AGR2: variants seen among roughly 807,000 people sequenced by gnomAD.
AGR2 encodes the protein anterior gradient protein 2 homolog.
In AGR2, 27 loss-of-function variants were observed where a neutral mutation model predicts 25.9. That is an observed-to-expected ratio of 1.04 (90% CI 0.77 to 1.44). The LOEUF (loss-of-function observed/expected upper bound fraction) is 1.44, where lower values mean the gene tolerates loss of function less well. Ranked by LOEUF, AGR2 falls within the 40% of genes most tolerant of loss-of-function variation. The pLI is 0.00. For synonymous variants in AGR2, 78 were observed against 72.0 expected (o/e 1.08, Z -0.42); for missense variants, 182 against 200.9 (o/e 0.91, Z 0.57).
intron 7 of AGR2, 31 bp downstream of exon 7, chr7:16,794,905 G>T (rs1393451709): frequency 6.2e-7 from 1 of 1,613,898 alleles, no homozygotes; most frequent in Middle Eastern, 1.6e-4. Context: ...TTCAACTCTT[G>T]GGCAACATCC....
chr7:16,802,667 A>T (rs1420868469), intron 1 of AGR2, among the ~76,000 whole-genome samples: 1 of 152,196 alleles, frequency 6.6e-6, no homozygotes, highest in African/African-American at 2.4e-5. Flanking sequence ...GACTGTTTGT[A>T]TATAGTATGG....
intron 6 of AGR2, among the ~76,000 whole-genome samples, chr7:16,795,318 GTT>G (rs76582218): frequency 7.2e-5 from 10 of 139,130 alleles, no homozygotes; most frequent in East Asian, 2.0e-4. Flanking sequence ...GTGACATGGT[GTT>G]TTTTTTTTTT....
At chr7:16,795,165 A>G in intron 6 of AGR2, 146 bp from the exon 7 acceptor site, 2 of 848,240 alleles carry the variant, frequency 2.4e-6, no homozygotes, top group Non-Finnish European at 3.8e-6. Flanking sequence ...TGATCCATCC[A>G]CTCTACTACC....
At position 16,797,656 on chromosome 7, in the gene AGR2, C is replaced by A. The variant is rs770354819; in HGVS notation, c.369G>T (p.Gln123His). ...CAACAAACATAATCCTGGGGACATA[C>A]TGGCCATCAGGAGAAAGGTGTTTGT... is the stretch of plus-strand genomic sequence containing the variant. ...TTDKHLSPDGQYVPRIMFVDP... is the reference protein window; with the variant it reads ...TTDKHLSPDGHYVPRIMFVDP... The change falls in exon 6 of 8, where the codon CAG becomes CAT. Residue 123 changes from glutamine to histidine, a missense_variant. Transcript: ENST00000419304. 3 of 1,613,884 alleles carry A rather than the reference C, an allele frequency of 1.9e-6. No individual in the cohort carries two copies. Among genetic ancestry groups the A allele is most frequent in the Non-Finnish European group, 2.5e-6 (3 of 1,179,956 alleles).
In AGR2 at chr7:16,803,904, TTTA is replaced by T. The variant is rs546686460; in HGVS notation, c.-8+1028_-8+1030del. 3.3e-3 allele frequency among the ~76,000 whole-genome samples: 504 copies of T among 152,324 alleles called. 1 individual carries two copies. The highest frequency in any genetic ancestry group is 0.011 in the African/African-American group (465 of 41,568). On this transcript the variant is annotated intron_variant, in intron 1 of 7. Coordinates refer to ENST00000419304, the MANE Select transcript of AGR2 (RefSeq NM_006408.4). ...TATCAACAAACATTTGATTTTATCT[TTTA>T]TTTATAACAGCATCTATATATATTC...
At chr7:16,794,855 C>T (rs868230983) in intron 7 of AGR2, 81 bp downstream of exon 7, 2 of 1,600,736 alleles carry the variant, frequency 1.2e-6, no homozygotes. Flanking sequence ...TCTCACCTCA[C>T]CATGCAGCCT....
intron 6 of AGR2, among the ~76,000 whole-genome samples, chr7:16,797,354 A>C (rs1350249939): frequency 6.6e-6 from 1 of 152,272 alleles, no homozygotes; most frequent in African/African-American, 2.4e-5. Flanking sequence ...AATATGTTTA[A>C]ATAGTGAATA....
At chr7:16,803,683 A>T (rs1785185407) in intron 1 of AGR2, among the ~76,000 whole-genome samples, 1 of 152,232 alleles carries the variant, frequency 6.6e-6, no homozygotes, top group Non-Finnish European at 1.5e-5. Flanking sequence ...AAAGATGTGG[A>T]AATGCCAATA....
rs986046525 is a variant in AGR2 at position 16,793,052 on chromosome 7, G to T, written c.479-95C>A. ...TTGGATGCTCAATTCATTATTTAAT[G>T]GGATGCTTTTTTTTTTGAGACAAGG... On this transcript the variant is annotated intron_variant, in intron 7 of 7. Transcript: ENST00000419304. The T allele has an allele frequency of 1.4e-5, 17 of 1,231,534 alleles. No homozygotes were observed. In the Admixed American group the frequency reaches 3.0e-4, roughly 22 times the overall value. The allele number at this position is 1,231,534 out of a possible 1,614,324, so 76.3% of individuals were successfully genotyped here.
rs533069246 is a variant in AGR2 at position 16,801,508 on chromosome 7, A to G, written c.140-125T>C. The G allele has an allele frequency of 2.2e-6, 3 of 1,336,400 alleles. No homozygotes were observed. The East Asian group carries it at 7.0e-5, about 31-fold the overall frequency. 82.8% of individuals were successfully genotyped at this position (1,336,400 alleles called of 1,614,324 possible). On this transcript the variant is annotated intron_variant, in intron 2 of 7. Transcript: ENST00000419304. ...AAGAAGAAGAAAAACCCCTGGAGAA[A>G]GTAGAAATAATTATAAACAGTGATA... is the stretch of plus-strand genomic sequence containing the variant.
Position 16,792,474 on chromosome 7 carries a change from C to G in AGR2, c.*434G>C, listed in dbSNP as rs547610200. ...GCTTGATACTTCTGTTGATTAAGCT[C>G]GTGTCTACTTACAGTCATCTAGTGA... On this transcript the variant is annotated 3_prime_UTR_variant, in exon 8 of 8. Transcript: ENST00000419304. The G allele has an allele frequency of 1.3e-5, 2 of 159,460 alleles. No homozygotes were observed. Among genetic ancestry groups the G allele is most frequent in the African/African-American group, 2.4e-5 (1 of 41,718 alleles). The allele number at this position is 159,460 out of a possible 1,614,324, so 9.9% of individuals were successfully genotyped here.
intron 6 of AGR2, among the ~76,000 whole-genome samples, chr7:16,796,532 A>G (rs1268504059): frequency 6.6e-6 from 1 of 152,218 alleles, no homozygotes; most frequent in Admixed American, 6.5e-5. Flanking sequence ...GGATTTCATT[A>G]TGGATTGTCC....
chr7:16,800,342 A>T (rs1785120773), intron 4 of AGR2, among the ~76,000 whole-genome samples: 1 of 152,140 alleles, frequency 6.6e-6, no homozygotes. Context: ...GGGCAGGGGG[A>T]ACTGCAAAAG....
intron 5 of AGR2, 91 bp downstream of exon 5, chr7:16,799,653 C>A: frequency 2.4e-6 from 2 of 828,744 alleles, no homozygotes; most frequent in Non-Finnish European, 3.9e-6. Context: ...CCAGTTAATG[C>A]AGTATAACTA....
intron 4 of AGR2, 133 bp downstream of exon 4, chr7:16,801,018 A>G (rs577766048): frequency 1.6e-6 from 1 of 632,780 alleles, no homozygotes; most frequent in East Asian, 2.8e-5. Context: ...TCACTTTTAA[A>G]TATGTTTTTA....
chr7:16,801,469 T>C, intron 2 of AGR2, 86 bp from the exon 3 acceptor site: 3 of 1,355,970 alleles, frequency 2.2e-6, no homozygotes, highest in East Asian at 2.3e-5. Context: ...ACTGGGATAA[T>C]AGACCCTATA....
chr7:16,794,123 C>T (rs933532327), intron 7 of AGR2, among the ~76,000 whole-genome samples: 5 of 152,212 alleles, frequency 3.3e-5, no homozygotes, highest in African/African-American at 9.7e-5. Flanking sequence ...CTCTTCCCAA[C>T]ATGACGTTCT....
At position 16,795,029 on chromosome 7, in the gene AGR2, T is replaced by A; in HGVS notation, c.395-10A>T. On this transcript the variant is annotated splice_polypyrimidine_tract_variant and intron_variant, in intron 6 of 7. Transcript: ENST00000419304. ...ACTGTCAGAGATGGGTCTGCAAAGA[T>A]AAATGAAGCAAAAGGGAATGGAATG... The A allele has an allele frequency of 6.2e-7, 1 of 1,613,918 alleles. No homozygotes were observed. Among genetic ancestry groups the A allele is most frequent in the East Asian group, 2.2e-5 (1 of 44,884 alleles).
chr7:16,796,927 CT>C (rs35502186), intron 6 of AGR2, among the ~76,000 whole-genome samples: 53,647 of 147,088 alleles, frequency 0.36, 10,627 homozygotes, highest in East Asian at 0.47. Context: ...CCTCATATTC[CT>C]TTTTTTTTTT....
Sources: allele counts gnomAD v4.1 joint callset (sites outside exome capture counted in the v4.1 genomes callset), GRCh38; gene constraint gnomAD v4.1.1; transcripts MANE v1.5; gene names NCBI Gene and HGNC (gene_info 2026-07-23, HGNC 2026-07-21).